KPNA1: variants seen among roughly 807,000 people sequenced by gnomAD.
KPNA1 encodes karyopherin subunit alpha 1, also known as importin subunit alpha-5.
A neutral mutation model predicts 70.5 loss-of-function variants in KPNA1; 10 were observed. That is an observed-to-expected ratio of 0.14 (90% CI 0.09 to 0.24). KPNA1 has a LOEUF of 0.24. Ranked by LOEUF, KPNA1 falls within the 10% of genes least tolerant of loss-of-function variation. The probability of loss-of-function intolerance (pLI) is 1.00; values close to 1 mark genes in which losing one functional copy is unlikely to be tolerated. For missense variants in KPNA1, 397 were observed against 637.9 expected, an observed-to-expected ratio of 0.62 and a Z score of 4.07; for synonymous variants, 192 against 221.9, an observed-to-expected ratio of 0.87 and a Z score of 1.20.
At chr3:122,468,016 T>TA (rs1415469404) in intron 2 of KPNA1, among the ~76,000 whole-genome samples, 4 of 152,166 alleles carry the variant, frequency 2.6e-5, no homozygotes, top group Non-Finnish European at 4.4e-5. Flanking sequence ...ATTATATCCT[T>TA]ATGAATCCTG....
At chr3:122,480,080 G>T (rs1260837184) in intron 2 of KPNA1, among the ~76,000 whole-genome samples, 2 of 152,188 alleles carry the variant, frequency 1.3e-5, no homozygotes, top group East Asian at 1.9e-4. Context: ...CATACACATT[G>T]TATGATTCCA....
intron 2 of KPNA1, among the ~76,000 whole-genome samples, chr3:122,484,468 G>A (rs990422857): frequency 1.6e-4 from 24 of 152,074 alleles, no homozygotes; most frequent in African/African-American, 5.8e-4. Context: ...CCAATATGGT[G>A]AAACCTCATC....
intron 2 of KPNA1, among the ~76,000 whole-genome samples, chr3:122,477,158 G>A (rs2076511287): frequency 6.6e-6 from 1 of 152,122 alleles, no homozygotes; most frequent in Admixed American, 6.5e-5. Flanking sequence ...TTATGTTAAG[G>A]CAATAAGACA....
chr3:122,449,607 G>A lies in KPNA1; in HGVS notation c.884C>T (p.Ala295Val), dbSNP rs764619803. 3.7e-6 allele frequency: 6 copies of A among 1,613,374 alleles called. No homozygotes were observed. Among genetic ancestry groups the A allele is most frequent in the African/African-American group, 2.7e-5 (2 of 74,858 alleles). ...PNDKIQAVID[A>V]GVCRRLVELL... The stretch of plus-strand genomic sequence containing the variant: ...TTCCACAAGTCTCCTACATACTCCC[G>A]CATCGATGACCGCTTGAATTTTATC... Residue 295 changes from alanine to valine, a missense_variant, in exon 9 of 14, where the codon GCG (alanine) becomes GTG (valine). Physicochemically the swap from Ala to Val is moderately conservative, Grantham distance 64 (BLOSUM62 0). Transcript: ENST00000344337.
At chr3:122,449,458 G>T in intron 9 of KPNA1, 116 bp downstream of exon 9, 1 of 843,896 alleles carries the variant, frequency 1.2e-6, no homozygotes, top group Non-Finnish European at 1.8e-6. Flanking sequence ...AAAAACAGTA[G>T]CCCAAAGCAC....
chr3:122,494,622 T>C (rs2076736501), intron 2 of KPNA1, among the ~76,000 whole-genome samples: 1 of 152,206 alleles, frequency 6.6e-6, no homozygotes. Context: ...GGGCTCTTTT[T>C]TGGTTCTGTA....
At chr3:122,427,918 C>A (rs2075844376) in intron 12 of KPNA1, among the ~76,000 whole-genome samples, 2 of 152,256 alleles carry the variant, frequency 1.3e-5, no homozygotes, top group Admixed American at 1.3e-4. Flanking sequence ...AACCAGTTCT[C>A]TGGCACCTTT....
Position 122,451,989 on chromosome 3 carries a change from G to T in KPNA1, c.640C>A (p.Pro214Thr). The change falls in exon 7 of 14, where the codon CCC (proline) becomes ACC (threonine). Residue 214 changes from proline to threonine, a missense_variant. Coordinates refer to ENST00000344337, the MANE Select transcript of KPNA1 (RefSeq NM_002264.4). ...GAAGAAACTTACTGCAAAAGAGGGG[G>T]AAGGATATTGCAGTCTAAGACATAG... ...RDYVLDCNIL[P>T]PLLQLFSKQN... 1.3e-6 allele frequency: 2 copies of T among 1,593,034 alleles called. No individual in the cohort carries two copies. The highest frequency in any genetic ancestry group is 1.7e-6 in the Non-Finnish European group (2 of 1,168,492).
intron 12 of KPNA1, among the ~76,000 whole-genome samples, chr3:122,428,307 T>A (rs530558130): frequency 1.3e-5 from 2 of 152,330 alleles, no homozygotes; most frequent in Admixed American, 6.5e-5. Flanking sequence ...AGTCATGTCA[T>A]TTTTTATCAT....
At chr3:122,443,724 A>G (rs1450445553) in intron 9 of KPNA1, among the ~76,000 whole-genome samples, 1 of 152,122 alleles carries the variant, frequency 6.6e-6, no homozygotes, top group Non-Finnish European at 1.5e-5. Flanking sequence ...TTTATTAGCG[A>G]TTTTCAAAGG....
chr3:122,472,420 T>C (rs1427015408), intron 2 of KPNA1, among the ~76,000 whole-genome samples: 1 of 152,090 alleles, frequency 6.6e-6, no homozygotes, highest in African/African-American at 2.4e-5. Context: ...TATCAAAATC[T>C]ATGGGATGAC....
chr3:122,484,299 A>G (rs1280858799), intron 2 of KPNA1, among the ~76,000 whole-genome samples: 1 of 152,206 alleles, frequency 6.6e-6, no homozygotes, highest in Non-Finnish European at 1.5e-5. Context: ...TTTAGTACAT[A>G]AGAACTGTGT....
At chr3:122,456,551 T>G (rs1173734445) in intron 5 of KPNA1, among the ~76,000 whole-genome samples, 1 of 152,170 alleles carries the variant, frequency 6.6e-6, no homozygotes, top group Non-Finnish European at 1.5e-5. Flanking sequence ...ATTTTGAGTT[T>G]AGCACCAAAG....
intron 6 of KPNA1, among the ~76,000 whole-genome samples, chr3:122,453,133 C>G (rs1184179859): frequency 3.3e-5 from 5 of 152,084 alleles, no homozygotes; most frequent in African/African-American, 1.2e-4. Context: ...TCTGTAGAGA[C>G]TGGGTTTCGC....
chr3:122,471,282 G>C (rs1055424376), intron 2 of KPNA1, among the ~76,000 whole-genome samples: 2 of 152,176 alleles, frequency 1.3e-5, no homozygotes, highest in African/African-American at 4.8e-5. Flanking sequence ...GCAATTCCTT[G>C]AAAGTTTGCA....
Position 122,476,861 on chromosome 3 carries a change from C to CAAAAAAAAAAAA in KPNA1, c.130-9444_130-9433dup, listed in dbSNP as rs144118691. On this transcript the variant is annotated intron_variant, in intron 2 of 13. Coordinates refer to ENST00000344337, the MANE Select transcript of KPNA1 (RefSeq NM_002264.4). ...TATGAAAAACAGTATGGAGGTTCCA[C>CAAAAAAAAAAAA]AAAAAAAAAAAAAAAAAAAAAAACT... Among the ~76,000 whole-genome samples, 47 of 65,484 alleles carry CAAAAAAAAAAAA rather than the reference C, an allele frequency of 7.2e-4. 3 individuals are homozygous for CAAAAAAAAAAAA. The highest frequency in any genetic ancestry group is 6.7e-3 in the East Asian group (8 of 1,188). 43.0% of individuals were successfully genotyped at this position (65,484 alleles called of 152,430 possible).
chr3:122,433,593 GTTA>G, intron 12 of KPNA1, 65 bp downstream of exon 12: 3 of 1,343,394 alleles, frequency 2.2e-6, no homozygotes, highest in Non-Finnish European at 3.0e-6. Context: ...TATGTGGGAG[GTTA>G]TAAAGTGATA....
intron 2 of KPNA1, among the ~76,000 whole-genome samples, chr3:122,495,214 T>TA (rs1358744740): frequency 1.4e-5 from 2 of 139,688 alleles, no homozygotes; most frequent in Non-Finnish European, 3.0e-5. Context: ...CACGCCACCA[T>TA]ACTCCATTCC....
At chr3:122,427,765 A>G (rs1380423935) in intron 12 of KPNA1, 49 bp from the exon 13 acceptor site, 2 of 1,330,580 alleles carry the variant, frequency 1.5e-6, no homozygotes, top group Admixed American at 2.4e-5. Flanking sequence ...ATTTTGTTAA[A>G]CTTATGAAAT....
Sources: allele counts gnomAD v4.1 joint callset (sites outside exome capture counted in the v4.1 genomes callset), GRCh38; gene constraint gnomAD v4.1.1; transcripts MANE v1.5; gene names NCBI Gene and HGNC (gene_info 2026-07-23, HGNC 2026-07-21).